Variants in ESF1 observed in about 807,000 individuals in gnomAD.
ESF1 encodes ESF1 homolog.
In ESF1, 58 loss-of-function variants were observed where a neutral mutation model predicts 92.0. The ratio of observed to expected loss-of-function variants is 0.63; its 90% CI spans 0.51 to 0.78. The LOEUF is 0.78. Among genes scored for constraint, ESF1 ranks in the 30% least tolerant of loss-of-function variants. ESF1 has a pLI of 0.00. For synonymous variants in ESF1, 321 were observed against 313.7 expected (o/e 1.02, Z -0.24); for missense variants, 922 against 989.1 (o/e 0.93, Z 0.91).
At chr20:13,716,924 TCTCCTGCCTCAGC>T (rs2049832527) in intron 13 of ESF1, among the ~76,000 whole-genome samples, 1 of 147,184 alleles carries the variant, frequency 6.8e-6, no homozygotes, top group Admixed American at 6.8e-5. Flanking sequence ...TTCACGCCAT[TCTCCTGCCTCAGC>T]CTCCTGAGTA....
chr20:13,715,423 C>T (rs2049818055), intron 13 of ESF1, among the ~76,000 whole-genome samples: 1 of 152,136 alleles, frequency 6.6e-6, no homozygotes, highest in Non-Finnish European at 1.5e-5. Context: ...GTGGGCCATA[C>T]ATATACATAT....
intron 8 of ESF1, 63 bp downstream of exon 8, chr20:13,766,714 T>G (rs200219218): frequency 2.6e-5 from 40 of 1,551,232 alleles, no homozygotes; most frequent in Non-Finnish European, 3.3e-5. Flanking sequence ...GAATTTGGCT[T>G]TCCCTGTAAA....
chr20:13,764,483 G>C (rs117137179), intron 8 of ESF1, among the ~76,000 whole-genome samples: 2,523 of 152,278 alleles, frequency 0.017, 21 homozygotes, highest in Non-Finnish European at 0.024. Flanking sequence ...ATGGAGGTTA[G>C]AGGCACCAAC....
At chr20:13,749,729 C>T (rs974644603) in intron 9 of ESF1, among the ~76,000 whole-genome samples, 2 of 151,870 alleles carry the variant, frequency 1.3e-5, no homozygotes, top group African/African-American at 2.4e-5. Flanking sequence ...CCATGCCTGG[C>T]TAATTTTTTG....
rs781489169 is a variant in ESF1 at position 13,783,025 on chromosome 20, C to T, written c.116G>A (p.Arg39Gln). 2.5e-6 allele frequency: 4 copies of T among 1,613,948 alleles called. No homozygotes were observed. The highest frequency in any genetic ancestry group is 3.3e-5 in the Admixed American group (2 of 59,996). The change falls in exon 2 of 14, where the codon CGA (arginine) becomes CAA (glutamine). Residue 39 changes from arginine to glutamine, a missense_variant. Physicochemically the swap from Arg to Gln is conservative, Grantham distance 43. Transcript: ENST00000617257. ...GAACTTCTTGTCATGAAACATGGCT[C>T]GAAATCTCTTGTCAATTTTGACTTT... is the stretch of plus-strand genomic sequence containing the variant. ...DRKVKIDKRF[R>Q]AMFHDKKFKL...
intron 7 of ESF1, among the ~76,000 whole-genome samples, chr20:13,769,239 G>A (rs1052360353): frequency 6.6e-6 from 1 of 152,052 alleles, no homozygotes; most frequent in Admixed American, 6.5e-5. Flanking sequence ...GTGCGGGGAG[G>A]TAATTTATTA....
chr20:13,743,333 A>G (rs1271069117), intron 9 of ESF1, among the ~76,000 whole-genome samples: 1 of 152,158 alleles, frequency 6.6e-6, no homozygotes, highest in Non-Finnish European at 1.5e-5. Context: ...TTCCTCAAAA[A>G]CTTACAAACA....
At position 13,714,956 on chromosome 20, in the gene ESF1, T is replaced by C. The variant is rs1388276602; in HGVS notation, c.2474A>G (p.Asp825Gly). Residue 825 changes from aspartate (D) to glycine (G), a missense_variant, in exon 14 of 14, where the codon GAT becomes GGT. By Grantham distance (94) the Asp-to-Gly change is moderately conservative. Coordinates refer to ENST00000617257, the MANE Select transcript of ESF1 (RefSeq NM_001276380.2). ...TTTAATCAACATTGACAAAGCAGGATCAATGGACTTCCTTTGTGATTCCTT... is the reference window on the plus strand; with the variant it reads ...TTTAATCAACATTGACAAAGCAGGACCAATGGACTTCCTTTGTGATTCCTT... Reference protein sequence around the residue: ...IEKESQRKSIDPALSMLIKSI... With the variant: ...IEKESQRKSIGPALSMLIKSI... The C allele has an allele frequency of 6.2e-6, 10 of 1,614,062 alleles. No homozygotes were observed. The highest frequency in any genetic ancestry group is 7.6e-6 in the Non-Finnish European group (9 of 1,179,956).
chr20:13,760,841 G>A (rs1412973232), intron 8 of ESF1, among the ~76,000 whole-genome samples: 2 of 152,206 alleles, frequency 1.3e-5, no homozygotes. Context: ...GGGAAGTGAG[G>A]AGCCCCTCTT....
chr20:13,752,942 T>C (rs1217861129), intron 9 of ESF1, among the ~76,000 whole-genome samples: 2 of 152,148 alleles, frequency 1.3e-5, no homozygotes, highest in Non-Finnish European at 2.9e-5. Flanking sequence ...AGAGAAGTCC[T>C]TGCCAGCGTG....
intron 5 of ESF1, among the ~76,000 whole-genome samples, chr20:13,772,202 A>G (rs910149598): frequency 6.6e-6 from 1 of 152,044 alleles, no homozygotes; most frequent in Admixed American, 6.5e-5. Flanking sequence ...CTCAAAAAAA[A>G]AAGCAAAACG....
At chr20:13,783,686 G>A (rs1377511434) in intron 1 of ESF1, among the ~76,000 whole-genome samples, 1 of 152,126 alleles carries the variant, frequency 6.6e-6, no homozygotes, top group African/African-American at 2.4e-5. Flanking sequence ...ATGGTGGCGC[G>A]CGCCTGTAGT....
chr20:13,717,247 A>G, intron 13 of ESF1, 121 bp downstream of exon 13: 1 of 1,206,558 alleles, frequency 8.3e-7, no homozygotes, highest in South Asian at 1.5e-5. Flanking sequence ...GGCGTGAGCC[A>G]CTGCACCGGG....
intron 8 of ESF1, chr20:13,762,854 G>GTTTTTTT (rs33986564): frequency 1.9e-3 from 349 of 186,808 alleles, no homozygotes; most frequent in South Asian, 4.2e-3. Flanking sequence ...ATTTATTAAA[G>GTTTTTTT]TTTTTTTTTT....
At chr20:13,749,075 T>A (rs1266177951) in intron 9 of ESF1, among the ~76,000 whole-genome samples, 2 of 150,230 alleles carry the variant, frequency 1.3e-5, no homozygotes, top group Non-Finnish European at 3.0e-5. Context: ...ATTATTATTA[T>A]TTTTTTTTGA....
chr20:13,717,282 C>T (rs1255283115), intron 13 of ESF1, 86 bp downstream of exon 13: 5 of 1,521,184 alleles, frequency 3.3e-6, no homozygotes, highest in South Asian at 1.2e-5. Context: ...TCAAGGGTAA[C>T]TTTGACTATG....
At chr20:13,746,867 ATATT>A (rs1440273442) in intron 9 of ESF1, among the ~76,000 whole-genome samples, 4 of 152,194 alleles carry the variant, frequency 2.6e-5, no homozygotes, top group African/African-American at 9.6e-5. Flanking sequence ...ATTTTCTTCC[ATATT>A]TATTAGGGTG....
rs372853781 is a variant in ESF1, at chr20:13,715,177, C to CAAAA, written c.2263-14_2263-11dup. 3 of 1,199,472 alleles carry CAAAA rather than the reference C, an allele frequency of 2.5e-6. No individual in the cohort carries two copies. The highest frequency in any genetic ancestry group is 3.0e-5 in the Admixed American group (1 of 33,848). 74.3% of individuals were successfully genotyped at this position (1,199,472 alleles called of 1,614,324 possible). A position where few individuals can be genotyped will look rare whatever the true frequency, so the allele number is the denominator to read the frequency against. On this transcript the variant is annotated splice_polypyrimidine_tract_variant and intron_variant, in intron 13 of 13. Transcript: ENST00000617257. ...CATCGTTAACATTTACCTGCAAATC[C>CAAAA]AAAAAAAAAAAAAATTAATAAATTA...
Position 13,776,168 on chromosome 20 carries a change from C to T in ESF1, c.740G>A (p.Ser247Asn), listed in dbSNP as rs1265794984. The T allele has an allele frequency of 6.2e-7, 1 of 1,613,914 alleles. No homozygotes were observed. The highest frequency in any genetic ancestry group is 8.5e-7 in the Non-Finnish European group (1 of 1,179,916). ...DALEEDSESV[S>N]EIGSDEESEN... ...AGATTCCTCATCACTTCCTATTTCA[C>T]TAACGCTTTCTGAATCTTCCTCCAG... The change falls in exon 3 of 14, where the codon AGT (serine) becomes AAT (asparagine). Residue 247 changes from serine to asparagine, a missense_variant. Coordinates refer to ENST00000617257, the MANE Select transcript of ESF1 (RefSeq NM_001276380.2).
Sources: gnomAD v4.1 joint callset for allele counts (sites outside exome capture counted in the v4.1 genomes callset) on GRCh38, gnomAD v4.1.1 for gene constraint, MANE v1.5 for transcripts, NCBI Gene and HGNC (gene_info 2026-07-23, HGNC 2026-07-21) for gene names.